The following KCNK2 variants were observed in gnomAD, a reference collection of about 807,000 sequenced individuals.
The protein encoded by KCNK2 is potassium channel subfamily K member 2.
Under a neutral mutation model 40.5 loss-of-function variants are expected in KCNK2, and 21 were observed. The observed-to-expected ratio is 0.52, with a 90% CI of 0.37 to 0.75. The LOEUF (loss-of-function observed/expected upper bound fraction) is 0.75. Among genes scored for constraint, KCNK2 ranks in the 30% least tolerant of loss-of-function variants. The pLI is 0.00. For synonymous variants in KCNK2, 191 were observed against 202.2 expected, an observed-to-expected ratio of 0.94 and a Z score of 0.47; for missense variants, 399 against 531.6, an observed-to-expected ratio of 0.75 and a Z score of 2.45.
chr1:215,049,547 T>C (rs1239320003), intron 1 of KCNK2, among the ~76,000 whole-genome samples: 3 of 152,160 alleles, frequency 2.0e-5, no homozygotes, highest in Non-Finnish European at 4.4e-5. Flanking sequence ...GCTTTTTGTG[T>C]CAAGTCAAAT....
intron 6 of KCNK2, among the ~76,000 whole-genome samples, chr1:215,228,853 T>C (rs1475949004): frequency 1.3e-5 from 2 of 152,162 alleles, no homozygotes; most frequent in Non-Finnish European, 2.9e-5. Context: ...AAAAAGCATC[T>C]TTAGAGTTTG....
chr1:215,008,404 A>C (rs2102468434), intron 1 of KCNK2, among the ~76,000 whole-genome samples: 1 of 152,232 alleles, frequency 6.6e-6, no homozygotes, highest in East Asian at 1.9e-4. Flanking sequence ...CCACTAGTGA[A>C]ATGTAGATGA....
At chr1:215,026,872 C>CTAATTTTTA (rs1657019024) in intron 1 of KCNK2, among the ~76,000 whole-genome samples, 1 of 151,912 alleles carries the variant, frequency 6.6e-6, no homozygotes, top group Non-Finnish European at 1.5e-5. Flanking sequence ...CTTAGGAAGA[C>CTAATTTTTA]TAATTTTTAT....
intron 5 of KCNK2, among the ~76,000 whole-genome samples, chr1:215,185,724 A>G (rs886152866): frequency 1.1e-4 from 16 of 151,948 alleles, no homozygotes; most frequent in Non-Finnish European, 1.9e-4. Flanking sequence ...TCTAACTTGA[A>G]CCTCCTCATC....
chr1:215,152,310 A>C (rs1174191171), intron 3 of KCNK2, among the ~76,000 whole-genome samples: 1 of 152,138 alleles, frequency 6.6e-6, no homozygotes, highest in Non-Finnish European at 1.5e-5. Flanking sequence ...CAGAAAATGC[A>C]CCACAACTGA....
At chr1:215,125,716 A>C (rs1661391038) in intron 3 of KCNK2, among the ~76,000 whole-genome samples, 1 of 146,568 alleles carries the variant, frequency 6.8e-6, no homozygotes. Context: ...GTGCACATGT[A>C]CCCTAGAACT....
chr1:215,065,919 C>T (rs1658520364), intron 1 of KCNK2, among the ~76,000 whole-genome samples: 1 of 152,086 alleles, frequency 6.6e-6, no homozygotes, highest in African/African-American at 2.4e-5. Context: ...TTGCTTGAGC[C>T]TAGAAGTTTG....
At chr1:215,204,976 C>T (rs534338310) in intron 6 of KCNK2, among the ~76,000 whole-genome samples, 26 of 152,266 alleles carry the variant, frequency 1.7e-4, no homozygotes, top group African/African-American at 3.4e-4. Context: ...TTCTAATAAA[C>T]GACTCACATG....
chr1:215,097,685 G>T (rs1660039766), intron 2 of KCNK2, among the ~76,000 whole-genome samples: 1 of 151,944 alleles, frequency 6.6e-6, no homozygotes, highest in African/African-American at 2.4e-5. Context: ...ATTTGGTTGG[G>T]ATTGTGAAAG....
chr1:215,158,861 C>G (rs1236501922), intron 3 of KCNK2, among the ~76,000 whole-genome samples: 1 of 152,054 alleles, frequency 6.6e-6, no homozygotes, highest in Non-Finnish European at 1.5e-5. Flanking sequence ...AATCAGTGAA[C>G]CCATGTCAAA....
chr1:215,026,968 A>G (rs1454279454), intron 1 of KCNK2, among the ~76,000 whole-genome samples: 1 of 152,006 alleles, frequency 6.6e-6, no homozygotes, highest in African/African-American at 2.4e-5. Context: ...TATAGCTTTC[A>G]TGGGCTCTAT....
chr1:215,223,316 A>G, intron 6 of KCNK2, among the ~76,000 whole-genome samples: 1 of 150,952 alleles, frequency 6.6e-6, no homozygotes, highest in Non-Finnish European at 1.5e-5. Context: ...GGTAATTGGA[A>G]AAACCTTACA....
At chr1:215,056,709 G>A (rs1658183306) in intron 1 of KCNK2, among the ~76,000 whole-genome samples, 1 of 142,244 alleles carries the variant, frequency 7.0e-6, no homozygotes, top group Non-Finnish European at 1.5e-5. Context: ...TCCTGCCTCA[G>A]CCTCCTGAAG....
chr1:215,159,596 TATC>T (rs1314219774), intron 3 of KCNK2, among the ~76,000 whole-genome samples: 11 of 152,176 alleles, frequency 7.2e-5, no homozygotes, highest in Non-Finnish European at 1.3e-4. Flanking sequence ...TTTAAAGGAT[TATC>T]ATCTTATTTA....
At chr1:215,128,139 G>A (rs1661514735) in intron 3 of KCNK2, among the ~76,000 whole-genome samples, 2 of 152,182 alleles carry the variant, frequency 1.3e-5, no homozygotes, top group Admixed American at 6.5e-5. Flanking sequence ...GTAGGTGAGT[G>A]AGAAAGAGTT....
chr1:215,232,809 G>C lies in KCNK2; in HGVS notation c.964-2019G>C, dbSNP rs182107512. Among the ~76,000 whole-genome samples the C allele has an allele frequency of 1.1e-3, 165 of 152,254 alleles. 1 individual carries two copies. Among genetic ancestry groups the C allele is most frequent in the African/African-American group, 3.9e-3 (161 of 41,554 alleles). ...AAGACTGGCTGTGAGGTAAGAGGCT[G>C]GTGGTAACCAAAATAAACCTGATGG... On this transcript the variant is annotated intron_variant, in intron 6 of 6. Coordinates refer to ENST00000444842, the MANE Select transcript of KCNK2 (RefSeq NM_001017425.3).
intron 2 of KCNK2, among the ~76,000 whole-genome samples, chr1:215,109,198 G>T (rs1175521733): frequency 2.6e-5 from 4 of 151,970 alleles, no homozygotes; most frequent in Non-Finnish European, 5.9e-5. Flanking sequence ...ATTTTTGTGT[G>T]TTGGGTATAT....
Position 215,235,156 on chromosome 1 carries a change from A to G in KCNK2, c.*11A>G. Reference sequence around the variant, plus strand: ...GAGAACATCAAATAGCCCTCTCTTTAAATAACCTTAGGCATAGCCATAGGT... The same window carrying G: ...GAGAACATCAAATAGCCCTCTCTTTGAATAACCTTAGGCATAGCCATAGGT... On this transcript the variant is annotated 3_prime_UTR_variant, in exon 7 of 7. Coordinates refer to ENST00000444842, the MANE Select transcript of KCNK2 (RefSeq NM_001017425.3). 1 of 1,587,956 alleles carries G rather than the reference A, an allele frequency of 6.3e-7. No homozygotes were observed. The highest frequency in any genetic ancestry group is 8.6e-7 in the Non-Finnish European group (1 of 1,161,104).
rs1553255768 is a variant in KCNK2, at chr1:215,021,573, T to TTG, written c.34+15618_34+15619insTG. Among the ~76,000 whole-genome samples the TTG allele has an allele frequency of 6.5e-3, 799 of 123,636 alleles. 46 individuals carry two copies. In the East Asian group the frequency reaches 0.083, roughly 13 times the overall value. The allele number at this position is 123,636 out of a possible 152,430, so 81.1% of individuals were successfully genotyped here. A position where few individuals can be genotyped will look rare whatever the true frequency, so the allele number is the denominator to read the frequency against. ...TTTTTTTTTTTTTTTTGAGACGGAA[T>TTG]CTCGCTCTGTCGCCCAGGCTGGAGT... On this transcript the variant is annotated intron_variant, in intron 1 of 6. Coordinates refer to the KCNK2 transcript ENST00000391895.
Sources: allele counts gnomAD v4.1 joint callset (sites outside exome capture counted in the v4.1 genomes callset), GRCh38; gene constraint gnomAD v4.1.1; transcripts MANE v1.5; gene names NCBI Gene and HGNC (gene_info 2026-07-23, HGNC 2026-07-21).